ACACA: variants seen among roughly 807,000 people sequenced by gnomAD.
The protein encoded by ACACA is acetyl-CoA carboxylase 1.
ACACA carries 103 observed loss-of-function variants against 296.1 expected under a neutral mutation model. The observed-to-expected ratio is 0.35, with a 90% confidence interval of 0.30 to 0.41. The LOEUF (loss-of-function observed/expected upper bound fraction) is 0.41, where lower values mean the gene tolerates loss of function less well. Ranked by LOEUF, ACACA falls within the 10% of genes least tolerant of loss-of-function variation. The pLI, the probability that ACACA is intolerant of heterozygous loss-of-function variation, is 1.00. For missense variants in ACACA, 1,554 were observed against 2,989.7 expected (o/e 0.52, Z 11.20); for synonymous variants, 953 against 1,038.6 (o/e 0.92, Z 1.58).
At chr17:37,337,571 A>T (rs192063516) in intron 2 of ACACA, among the ~76,000 whole-genome samples, 1 of 152,104 alleles carries the variant, frequency 6.6e-6, no homozygotes, top group Non-Finnish European at 1.5e-5. Flanking sequence ...CTCCAACCTC[A>T]ACCTCCAAAA....
intron 39 of ACACA, among the ~76,000 whole-genome samples, chr17:37,182,380 TCTC>T (rs1480244088): frequency 6.6e-6 from 1 of 151,904 alleles, no homozygotes; most frequent in African/African-American, 2.4e-5. Context: ...TGTATTTACT[TCTC>T]CTCAAGATGC....
At chr17:37,224,183 C>T (rs1456128473) in intron 27 of ACACA, among the ~76,000 whole-genome samples, 1 of 152,320 alleles carries the variant, frequency 6.6e-6, no homozygotes, top group East Asian at 1.9e-4. Flanking sequence ...GCCTGGGCAA[C>T]AGAGTGAGAC....
At chr17:37,219,664 A>C (rs2079191038) in intron 29 of ACACA, among the ~76,000 whole-genome samples, 1 of 149,108 alleles carries the variant, frequency 6.7e-6, no homozygotes. Context: ...TATATTTTAT[A>C]TATATAAAAA....
Position 37,330,431 on chromosome 17 carries a change from G to C in ACACA, c.86-6C>G. 1.2e-6 allele frequency: 2 copies of C among 1,614,118 alleles called. No homozygotes were observed. The highest frequency in any genetic ancestry group is 1.7e-6 in the Non-Finnish European group (2 of 1,180,012). ...TCCAAAATGAGCTCTTACAGCTATGGAGAAAATGAAAAGTGAGAAAGGCAG... is the reference window on the plus strand; with the variant it reads ...TCCAAAATGAGCTCTTACAGCTATGCAGAAAATGAAAAGTGAGAAAGGCAG... On this transcript the variant is annotated splice_region_variant and splice_polypyrimidine_tract_variant and intron_variant, in intron 2 of 55. Coordinates refer to ENST00000616317, the MANE Select transcript of ACACA (RefSeq NM_198834.3).
chr17:37,254,155 C>T (rs1454915232), intron 14 of ACACA, among the ~76,000 whole-genome samples: 2 of 152,150 alleles, frequency 1.3e-5, no homozygotes, highest in Non-Finnish European at 2.9e-5. Context: ...ACAATAATCA[C>T]TTTCAAAATA....
intron 1 of ACACA, among the ~76,000 whole-genome samples, chr17:37,395,888 T>C (rs1442928361): frequency 1.3e-5 from 2 of 152,246 alleles, no homozygotes; most frequent in Non-Finnish European, 2.9e-5. Context: ...TACTTTTTGA[T>C]AGGCCCAAAA....
chr17:37,102,810 A>C (rs972794925), intron 52 of ACACA, among the ~76,000 whole-genome samples: 9 of 152,230 alleles, frequency 5.9e-5, no homozygotes, highest in African/African-American at 2.2e-4. Context: ...TGCCCTCTCA[A>C]TCAAGCTATT....
intron 35 of ACACA, among the ~76,000 whole-genome samples, chr17:37,194,716 A>G (rs547317283): frequency 4.1e-4 from 62 of 152,348 alleles, no homozygotes; most frequent in Non-Finnish European, 7.9e-4. Context: ...AATACGTTCC[A>G]TAAGTGTTAC....
intron 45 of ACACA, among the ~76,000 whole-genome samples, chr17:37,149,061 G>C (rs1032600662): frequency 4.6e-5 from 7 of 152,158 alleles, no homozygotes; most frequent in Admixed American, 3.9e-4. Context: ...AAAGATGTCA[G>C]AACTGCACTG....
At chr17:37,323,124 A>G (rs1280472471) in intron 3 of ACACA, among the ~76,000 whole-genome samples, 1 of 152,224 alleles carries the variant, frequency 6.6e-6, no homozygotes, top group Non-Finnish European at 1.5e-5. Context: ...CGCAGACACC[A>G]CCCCAAGATG....
rs767705869 is a variant in ACACA at position 37,241,925 on chromosome 17, C to T, written c.3032+28G>A. The T allele has an allele frequency of 5.7e-6, 9 of 1,576,248 alleles. No individual in the cohort carries two copies. The South Asian group carries it at 1.0e-4, about 17-fold the overall frequency. On this transcript the variant is annotated intron_variant, in intron 23 of 55. Transcript: ENST00000616317. ...AAGGAAGACATGAGTATGGACAGGT[C>T]TGGGAATCTGGAGTTACAAGTTACT... is the stretch of plus-strand genomic sequence containing the variant.
chr17:37,154,043 G>A (rs911060077), intron 43 of ACACA, among the ~76,000 whole-genome samples: 1 of 152,134 alleles, frequency 6.6e-6, no homozygotes, highest in African/African-American at 2.4e-5. Flanking sequence ...ACAGTGGCTT[G>A]CACCTGTCAT....
chr17:37,267,231 AATT>A (rs2081824502), intron 10 of ACACA, among the ~76,000 whole-genome samples: 1 of 152,196 alleles, frequency 6.6e-6, no homozygotes, highest in Admixed American at 6.5e-5. Context: ...TGCCTGGAGT[AATT>A]CATGCAGCTA....
chr17:37,358,963 C>A, intron 1 of ACACA: 1 of 985,942 alleles, frequency 1.0e-6, no homozygotes, highest in Non-Finnish European at 1.2e-6. Flanking sequence ...TTCTCCAGGT[C>A]CCCGGTCACA....
chr17:37,375,744 T>C (rs762264928), intron 1 of ACACA, among the ~76,000 whole-genome samples: 4 of 152,196 alleles, frequency 2.6e-5, no homozygotes, highest in Non-Finnish European at 5.9e-5. Flanking sequence ...TGAGCATGCA[T>C]GTAAATGTCT....
Position 37,188,389 on chromosome 17 carries a change from C to A in ACACA, c.4664G>T (p.Arg1555Leu), listed in dbSNP as rs764599804. ...AATTGCTTTTCCAGTTGGCGTCAGG[C>A]GAATGTTGATTTTCAGTTCTGCCTG... The part of the protein sequence containing the change: ...VLQAELKINI[R>L]LTPTGKAIPI... The change falls in exon 39 of 56, where the codon CGC becomes CTC. Residue 1555 changes from arginine to leucine, a missense_variant. Transcript: ENST00000616317. The A allele has an allele frequency of 6.2e-7, 1 of 1,614,056 alleles. No individual in the cohort carries two copies. The highest frequency in any genetic ancestry group is 8.5e-7 in the Non-Finnish European group (1 of 1,180,004).
At chr17:37,206,440 T>C (rs933670161) in intron 32 of ACACA, among the ~76,000 whole-genome samples, 1 of 152,174 alleles carries the variant, frequency 6.6e-6, no homozygotes, top group African/African-American at 2.4e-5. Flanking sequence ...AGGACTATGA[T>C]TGCACCACTA....
intron 42 of ACACA, among the ~76,000 whole-genome samples, chr17:37,156,689 A>C (rs2076265916): frequency 1.3e-5 from 2 of 152,246 alleles, no homozygotes; most frequent in Non-Finnish European, 2.9e-5. Flanking sequence ...ATCTATACAC[A>C]CAGCCACATA....
intron 16 of ACACA, 93 bp from the exon 17 acceptor site, chr17:37,248,767 CAA>C (rs1404761131): frequency 3.2e-6 from 3 of 927,844 alleles, no homozygotes; most frequent in South Asian, 1.3e-5. Context: ...CCTAGAATAA[CAA>C]AAGACTAGAA....
Sources: allele counts gnomAD v4.1 joint callset (sites outside exome capture counted in the v4.1 genomes callset), GRCh38; gene constraint gnomAD v4.1.1; transcripts MANE v1.5; gene names NCBI Gene and HGNC (gene_info 2026-07-23, HGNC 2026-07-21).